MAGI1: variants seen among roughly 807,000 people sequenced by gnomAD.
MAGI1 encodes membrane-associated guanylate kinase, WW and PDZ domain-containing protein 1.
A neutral mutation model predicts 139.9 loss-of-function variants in MAGI1; 58 were observed. That is an observed-to-expected ratio of 0.41 (90% CI 0.34 to 0.52). The LOEUF is 0.52. Ranked by LOEUF, MAGI1 falls within the 20% of genes least tolerant of loss-of-function variation. The probability of loss-of-function intolerance (pLI) is 0.12; values close to 1 mark genes in which losing one functional copy is unlikely to be tolerated. For synonymous variants in MAGI1, 812 were observed against 737.9 expected, an observed-to-expected ratio of 1.10 and a Z score of -1.63; for missense variants, 1,874 against 1,901.6, an observed-to-expected ratio of 0.99 and a Z score of 0.27.
intron 1 of MAGI1, among the ~76,000 whole-genome samples, chr3:65,973,276 T>G (rs2107199503): frequency 6.6e-6 from 1 of 152,308 alleles, no homozygotes; most frequent in East Asian, 1.9e-4. Context: ...CACCAAAATG[T>G]TATGAGATAA....
intron 2 of MAGI1, among the ~76,000 whole-genome samples, chr3:65,556,500 ATG>A (rs2080091767): frequency 6.6e-6 from 1 of 152,168 alleles, no homozygotes; most frequent in Non-Finnish European, 1.5e-5. Context: ...TTATCAGTGA[ATG>A]TCATTTGCAT....
intron 1 of MAGI1, among the ~76,000 whole-genome samples, chr3:66,027,979 A>ACTAACTG (rs1476091009): frequency 1.3e-5 from 2 of 152,214 alleles, no homozygotes; most frequent in Non-Finnish European, 2.9e-5. Context: ...ATTCAGAGGC[A>ACTAACTG]CTAACTGACG....
intron 1 of MAGI1, among the ~76,000 whole-genome samples, chr3:65,724,423 C>T (rs2033386034): frequency 6.6e-6 from 1 of 152,156 alleles, no homozygotes; most frequent in Non-Finnish European, 1.5e-5. Context: ...TGAGTATAGT[C>T]ATAACTACAA....
chr3:65,891,816 A>G (rs2060762324), intron 1 of MAGI1, among the ~76,000 whole-genome samples: 1 of 141,788 alleles, frequency 7.1e-6, no homozygotes, highest in Non-Finnish European at 1.5e-5. Flanking sequence ...GCAGCACACC[A>G]ACATGGCACA....
At chr3:65,980,354 G>A (rs1249151338) in intron 1 of MAGI1, among the ~76,000 whole-genome samples, 1 of 152,182 alleles carries the variant, frequency 6.6e-6, no homozygotes, top group Non-Finnish European at 1.5e-5. Context: ...CCTGAGGTCA[G>A]GAGTTCAAGA....
At chr3:65,547,479 A>G (rs2079558684) in intron 2 of MAGI1, among the ~76,000 whole-genome samples, 1 of 152,228 alleles carries the variant, frequency 6.6e-6, no homozygotes, top group South Asian at 2.1e-4. Context: ...GGGATCCATT[A>G]TTCAACCCAC....
chr3:66,012,708 G>A (rs1328405876), intron 1 of MAGI1, among the ~76,000 whole-genome samples: 1 of 150,008 alleles, frequency 6.7e-6, no homozygotes, highest in Non-Finnish European at 1.5e-5. Flanking sequence ...AGAGGCTGCA[G>A]TAAGCCAAGA....
At chr3:65,760,492 G>A (rs1040061359) in intron 1 of MAGI1, among the ~76,000 whole-genome samples, 9 of 151,588 alleles carry the variant, frequency 5.9e-5, no homozygotes, top group Non-Finnish European at 1.2e-4. Flanking sequence ...AGGCTCAAGC[G>A]ACAGGAACAC....
At chr3:65,969,510 T>G (rs929585305) in intron 1 of MAGI1, among the ~76,000 whole-genome samples, 1 of 152,184 alleles carries the variant, frequency 6.6e-6, no homozygotes, top group Non-Finnish European at 1.5e-5. Context: ...ACTGAACTGC[T>G]TGCTCATTCA....
intron 12 of MAGI1, among the ~76,000 whole-genome samples, chr3:65,403,471 A>G (rs895862891): frequency 7.9e-5 from 12 of 152,196 alleles, no homozygotes; most frequent in Non-Finnish European, 1.5e-4. Context: ...GATTCCCTTA[A>G]GAAATTTTAT....
At chr3:65,966,834 G>A (rs977296552) in intron 1 of MAGI1, among the ~76,000 whole-genome samples, 1 of 152,158 alleles carries the variant, frequency 6.6e-6, no homozygotes, top group Non-Finnish European at 1.5e-5. Context: ...TAAAATCCAT[G>A]ACACCTACTG....
chr3:65,475,130 T>C (rs903633311), intron 4 of MAGI1, among the ~76,000 whole-genome samples: 3 of 152,168 alleles, frequency 2.0e-5, no homozygotes, highest in African/African-American at 7.2e-5. Context: ...AGAAACATGA[T>C]TAAGAAATGT....
At chr3:65,919,677 CCTTCTCT>C (rs1392852119) in intron 1 of MAGI1, among the ~76,000 whole-genome samples, 1 of 84,660 alleles carries the variant, frequency 1.2e-5, no homozygotes, top group Admixed American at 1.2e-4. Flanking sequence ...CATTCTCTCT[CCTTCTCT>C]CTCTCTCTCT....
chr3:65,378,331 G>A (rs1382092567), intron 17 of MAGI1, among the ~76,000 whole-genome samples: 1 of 151,988 alleles, frequency 6.6e-6, no homozygotes, highest in Admixed American at 6.6e-5. Flanking sequence ...CAGGAAAATC[G>A]AATGACTCTT....
intron 1 of MAGI1, among the ~76,000 whole-genome samples, chr3:65,758,820 AAC>A (rs1339925869): frequency 6.6e-6 from 1 of 152,154 alleles, no homozygotes; most frequent in Non-Finnish European, 1.5e-5. Flanking sequence ...GTTTCTCAAA[AAC>A]GTAAACTTTC....
At chr3:65,444,628 CACAAAG>C (rs1189231929) in intron 7 of MAGI1, among the ~76,000 whole-genome samples, 1 of 152,068 alleles carries the variant, frequency 6.6e-6, no homozygotes, top group African/African-American at 2.4e-5. Flanking sequence ...GCACCAGGGA[CACAAAG>C]ACAAACGCAA....
At chr3:65,908,737 G>A (rs905876654) in intron 1 of MAGI1, among the ~76,000 whole-genome samples, 2 of 152,110 alleles carry the variant, frequency 1.3e-5, no homozygotes, top group East Asian at 3.9e-4. Context: ...CTCCCTGGCC[G>A]ACTTCCCCTC....
At chr3:65,553,113 C>T (rs1195669776) in intron 2 of MAGI1, among the ~76,000 whole-genome samples, 1 of 151,086 alleles carries the variant, frequency 6.6e-6, no homozygotes, top group African/African-American at 2.4e-5. Context: ...GCATTAATAC[C>T]ATTCTATTTA....
intron 12 of MAGI1, among the ~76,000 whole-genome samples, chr3:65,405,160 C>G (rs954045923): frequency 6.6e-6 from 1 of 152,190 alleles, no homozygotes; most frequent in African/African-American, 2.4e-5. Flanking sequence ...AAAGTGTGAT[C>G]TGCAGGAGCG....
Sources: allele counts gnomAD v4.1 joint callset (sites outside exome capture counted in the v4.1 genomes callset), GRCh38; gene constraint gnomAD v4.1.1; transcripts MANE v1.5; gene names NCBI Gene and HGNC (gene_info 2026-07-23, HGNC 2026-07-21).